Variants in OPCML observed in about 807,000 individuals in gnomAD.
The protein encoded by OPCML is opioid binding protein/cell adhesion molecule like, also known as opioid-binding protein/cell adhesion molecule.
OPCML carries 13 observed loss-of-function variants against 37.8 expected under a neutral mutation model. That is an observed-to-expected ratio of 0.34 (90% CI 0.22 to 0.55). The LOEUF is 0.55. OPCML is among the 20% of genes least tolerant of loss of function. OPCML has a pLI of 0.91. For missense variants in OPCML, 341 were observed against 435.6 expected, an observed-to-expected ratio of 0.78 and a Z score of 1.93; for synonymous variants, 176 against 168.8, an observed-to-expected ratio of 1.04 and a Z score of -0.33.
At chr11:132,623,803 C>T (rs189997868) in intron 3 of OPCML, among the ~76,000 whole-genome samples, 1 of 152,296 alleles carries the variant, frequency 6.6e-6, no homozygotes, top group East Asian at 1.9e-4. Flanking sequence ...TCTATGCTTA[C>T]TCTTTTGCTT....
chr11:133,028,291 A>T lies in OPCML; in HGVS notation c.62-85281T>A, dbSNP rs532239190. Among the ~76,000 whole-genome samples the T allele has an allele frequency of 1.1e-3, 170 of 152,098 alleles. 4 individuals carry two copies. The highest frequency in any genetic ancestry group is 6.9e-4 in the Non-Finnish European group (47 of 68,000). ...AATTCCTACAGGTGGGATGTCAGGC[A>T]CTGTGGCAGCCTGGGGAAGCATATA... is the stretch of plus-strand genomic sequence containing the variant. On this transcript the variant is annotated intron_variant, in intron 1 of 7. Coordinates refer to ENST00000524381, the MANE Select transcript of OPCML (RefSeq NM_001012393.5).
At chr11:133,300,012 C>T (rs967810931) in intron 1 of OPCML, 1 of 152,204 alleles carries the variant, frequency 6.6e-6, no homozygotes, top group Admixed American at 6.5e-5. Context: ...CAAAGATGCA[C>T]ATGCCACGGT....
intron 1 of OPCML, among the ~76,000 whole-genome samples, chr11:133,399,877 A>T (rs1428148705): frequency 6.7e-6 from 1 of 149,182 alleles, no homozygotes; most frequent in Non-Finnish European, 1.5e-5. Flanking sequence ...ATATATATAT[A>T]AAATATATAT....
chr11:133,469,384 C>T (rs1047214998), intron 1 of OPCML, among the ~76,000 whole-genome samples: 4 of 152,194 alleles, frequency 2.6e-5, no homozygotes, highest in Non-Finnish European at 4.4e-5. Flanking sequence ...GAGCAGTAGG[C>T]TCCACCGTAC....
intron 1 of OPCML, among the ~76,000 whole-genome samples, chr11:133,362,560 G>A (rs1944446749): frequency 6.6e-6 from 1 of 152,192 alleles, no homozygotes. Context: ...TGCCACAATC[G>A]CCAGGGAAGA....
At chr11:133,507,348 A>C (rs1464382475) in intron 1 of OPCML, among the ~76,000 whole-genome samples, 1 of 152,152 alleles carries the variant, frequency 6.6e-6, no homozygotes, top group African/African-American at 2.4e-5. Context: ...GCTGCAATCA[A>C]TCCCCATTTT....
At chr11:132,428,108 G>A (rs1355207394) in intron 7 of OPCML, among the ~76,000 whole-genome samples, 2 of 152,198 alleles carry the variant, frequency 1.3e-5, no homozygotes, top group Admixed American at 1.3e-4. Flanking sequence ...TTCCTAAACA[G>A]AGAATTGGAA....
intron 1 of OPCML, chr11:133,418,097 C>T (rs896848764): frequency 1.0e-5 from 10 of 985,312 alleles, no homozygotes; most frequent in South Asian, 4.7e-5. Context: ...ATCTGTGGTT[C>T]GGAGGACTGG....
At chr11:133,149,898 A>G (rs866057211) in intron 1 of OPCML, among the ~76,000 whole-genome samples, 1 of 152,204 alleles carries the variant, frequency 6.6e-6, no homozygotes, top group Non-Finnish European at 1.5e-5. Flanking sequence ...TGGTTATGCC[A>G]GAGTTGAGTC....
chr11:133,027,970 C>T (rs1947595797), intron 1 of OPCML, among the ~76,000 whole-genome samples: 1 of 151,628 alleles, frequency 6.6e-6, no homozygotes, highest in Non-Finnish European at 1.5e-5. Context: ...TTTCGGAATT[C>T]TACATGTAGT....
chr11:132,561,479 T>C (rs2096410593), intron 3 of OPCML, among the ~76,000 whole-genome samples: 3 of 152,292 alleles, frequency 2.0e-5, no homozygotes, highest in African/African-American at 2.4e-5. Flanking sequence ...TTGTCTGCCA[T>C]CCCCACTCAG....
chr11:133,256,123 C>T (rs1418138982), intron 1 of OPCML, among the ~76,000 whole-genome samples: 3 of 152,080 alleles, frequency 2.0e-5, no homozygotes, highest in Admixed American at 1.3e-4. Context: ...TAAAGTTTTC[C>T]AAAGTTTAGG....
rs144895348 is a variant in OPCML at position 132,609,709 on chromosome 11, G to A, written c.379+47378C>T. Among the ~76,000 whole-genome samples the A allele has an allele frequency of 2.4e-3, 370 of 152,164 alleles. 2 individuals carry two copies. The highest frequency in any genetic ancestry group is 2.0e-3 in the Non-Finnish European group (134 of 68,008). On this transcript the variant is annotated intron_variant, in intron 3 of 7. Coordinates refer to ENST00000524381, the MANE Select transcript of OPCML (RefSeq NM_001012393.5). ...GGCAAAGTTCATTGTTCCTTCTTTT[G>A]TGTTACTTTACAATAGCTATCACCC...
intron 2 of OPCML, among the ~76,000 whole-genome samples, chr11:132,785,762 T>G (rs954137855): frequency 6.6e-6 from 1 of 152,280 alleles, no homozygotes; most frequent in East Asian, 1.9e-4. Flanking sequence ...TTGAGGAGAA[T>G]GAGGCAGACA....
At chr11:133,365,043 CTCTT>C (rs1944507948) in intron 1 of OPCML, among the ~76,000 whole-genome samples, 1 of 120,778 alleles carries the variant, frequency 8.3e-6, no homozygotes, top group African/African-American at 3.5e-5. Flanking sequence ...CTATCTCTCT[CTCTT>C]TCACACACAC....
At chr11:132,828,912 A>G (rs1001316289) in intron 2 of OPCML, among the ~76,000 whole-genome samples, 1 of 152,202 alleles carries the variant, frequency 6.6e-6, no homozygotes, top group African/African-American at 2.4e-5. Context: ...TGAAGACAGT[A>G]GGTGCCTCGT....
At chr11:133,148,822 G>C (rs1430324352) in intron 1 of OPCML, among the ~76,000 whole-genome samples, 2 of 152,138 alleles carry the variant, frequency 1.3e-5, no homozygotes, top group Non-Finnish European at 2.9e-5. Flanking sequence ...TTTCCACCCT[G>C]GCACTCAGGA....
intron 4 of OPCML, among the ~76,000 whole-genome samples, chr11:132,496,172 T>A (rs1242019975): frequency 1.3e-5 from 2 of 152,132 alleles, no homozygotes; most frequent in African/African-American, 4.8e-5. Flanking sequence ...AGAGCCTCAG[T>A]CAAGTGCAAG....
At chr11:132,729,916 A>G (rs565586676) in intron 2 of OPCML, among the ~76,000 whole-genome samples, 18 of 152,176 alleles carry the variant, frequency 1.2e-4, no homozygotes, top group African/African-American at 4.3e-4. Flanking sequence ...TTTCCAGGAC[A>G]GACTATTCTG....
Sources: allele counts gnomAD v4.1 joint callset (sites outside exome capture counted in the v4.1 genomes callset), GRCh38; gene constraint gnomAD v4.1.1; transcripts MANE v1.5; gene names NCBI Gene and HGNC (gene_info 2026-07-23, HGNC 2026-07-21).